THSD7B: variants seen among roughly 807,000 people sequenced by gnomAD.
THSD7B encodes the protein thrombospondin type 1 domain containing 7B.
In THSD7B, 138 loss-of-function variants were observed where a neutral mutation model predicts 213.6. The ratio of observed to expected loss-of-function variants is 0.65; its 90% CI spans 0.56 to 0.74. The LOEUF is 0.74. Ranked by LOEUF, THSD7B falls within the 30% of genes least tolerant of loss-of-function variation. THSD7B has a pLI of 0.00. For synonymous variants in THSD7B, 742 were observed against 687.0 expected (o/e 1.08, Z -1.25); for missense variants, 1,931 against 1,991.5 (o/e 0.97, Z 0.58).
chr2:137,220,752 G>T (rs79849432), intron 7 of THSD7B, among the ~76,000 whole-genome samples: 1 of 151,434 alleles, frequency 6.6e-6, no homozygotes, highest in South Asian at 2.1e-4. Flanking sequence ...ATGCACAATC[G>T]CCAAAACCTG....
chr2:137,399,896 C>G (rs902808760), intron 12 of THSD7B, among the ~76,000 whole-genome samples: 4 of 151,926 alleles, frequency 2.6e-5, no homozygotes, highest in Non-Finnish European at 5.9e-5. Flanking sequence ...TATTTATATT[C>G]TTTTCTCTTT....
chr2:137,051,002 A>G (rs1031159805), intron 2 of THSD7B, among the ~76,000 whole-genome samples: 3 of 152,182 alleles, frequency 2.0e-5, no homozygotes, highest in Admixed American at 6.5e-5. Flanking sequence ...ATTAATGATC[A>G]TGATTGATTT....
intron 1 of THSD7B, among the ~76,000 whole-genome samples, chr2:136,854,037 TATC>T (rs1054546104): frequency 4.5e-4 from 68 of 152,302 alleles, no homozygotes; most frequent in African/African-American, 1.6e-3. Context: ...AGGCTCATCT[TATC>T]ATTTTGTATA....
At chr2:137,509,957 T>C (rs1401657093) in intron 15 of THSD7B, among the ~76,000 whole-genome samples, 1 of 152,202 alleles carries the variant, frequency 6.6e-6, no homozygotes, top group African/African-American at 2.4e-5. Context: ...CTTTTATTTA[T>C]TGTTCGTTTG....
chr2:137,341,301 G>A (rs944273258), intron 12 of THSD7B, among the ~76,000 whole-genome samples: 2 of 150,378 alleles, frequency 1.3e-5, no homozygotes, highest in African/African-American at 4.9e-5. Context: ...TGTTTTTCTT[G>A]CTGTTGAGTT....
At chr2:137,517,176 A>AAT (rs1238154688) in intron 15 of THSD7B, among the ~76,000 whole-genome samples, 1 of 152,250 alleles carries the variant, frequency 6.6e-6, no homozygotes, top group African/African-American at 2.4e-5. Flanking sequence ...CAAGGCCAGC[A>AAT]ATATACCTTT....
chr2:137,129,103 A>G (rs935614989), intron 5 of THSD7B, among the ~76,000 whole-genome samples: 2 of 152,146 alleles, frequency 1.3e-5, no homozygotes, highest in Non-Finnish European at 2.9e-5. Flanking sequence ...TCTTTGTCAA[A>G]GAACCTTGAA....
chr2:137,580,925 C>A (rs942838032), intron 17 of THSD7B, among the ~76,000 whole-genome samples: 44 of 152,154 alleles, frequency 2.9e-4, no homozygotes, highest in Non-Finnish European at 6.0e-4. Flanking sequence ...AAGGAATCCA[C>A]CCTCATGATC....
chr2:137,029,898 T>C (rs1686630861), intron 2 of THSD7B, among the ~76,000 whole-genome samples: 1 of 152,166 alleles, frequency 6.6e-6, no homozygotes, highest in South Asian at 2.1e-4. Flanking sequence ...GAGGAGCTGG[T>C]TGCCTGTTGA....
At chr2:137,358,549 T>C (rs1362944355) in intron 12 of THSD7B, among the ~76,000 whole-genome samples, 1 of 152,206 alleles carries the variant, frequency 6.6e-6, no homozygotes, top group East Asian at 1.9e-4. Flanking sequence ...CCCCTCTTAT[T>C]GTTTTATGAA....
intron 1 of THSD7B, among the ~76,000 whole-genome samples, chr2:136,777,089 G>C (rs941360763): frequency 6.6e-6 from 1 of 152,048 alleles, no homozygotes; most frequent in African/African-American, 2.4e-5. Context: ...AGAAATATAG[G>C]GCTCCAGAGG....
At chr2:137,503,750 G>A (rs1202798648) in intron 15 of THSD7B, among the ~76,000 whole-genome samples, 3 of 152,062 alleles carry the variant, frequency 2.0e-5, no homozygotes, top group South Asian at 4.1e-4. Flanking sequence ...AAGTGAGCCG[G>A]GCGCGGTAGC....
intron 12 of THSD7B, among the ~76,000 whole-genome samples, chr2:137,401,634 C>CTT (rs35834967): frequency 0.01 from 1,390 of 132,658 alleles, 24 homozygotes; most frequent in African/African-American, 0.036. Context: ...TTCTTTCTTT[C>CTT]TTTTTTTTTT....
intron 2 of THSD7B, among the ~76,000 whole-genome samples, chr2:136,952,016 C>A (rs533230043): frequency 3.9e-5 from 6 of 152,098 alleles, no homozygotes; most frequent in Admixed American, 1.3e-4. Flanking sequence ...ACTACAGGCA[C>A]GCACCATCAC....
At chr2:137,229,783 T>C (rs750801888) in intron 7 of THSD7B, among the ~76,000 whole-genome samples, 9 of 152,156 alleles carry the variant, frequency 5.9e-5, no homozygotes, top group Non-Finnish European at 1.2e-4. Flanking sequence ...ATCTGTGAGA[T>C]GAGATGGATC....
At chr2:136,796,980 TCACACACA>T (rs58116447) in intron 1 of THSD7B, among the ~76,000 whole-genome samples, 4 of 146,836 alleles carry the variant, frequency 2.7e-5, no homozygotes, top group Non-Finnish European at 6.0e-5. Context: ...TCATATTTGA[TCACACACA>T]CACACACACA....
intron 17 of THSD7B, among the ~76,000 whole-genome samples, chr2:137,610,426 GT>G (rs1214833596): frequency 1.3e-5 from 2 of 152,138 alleles, no homozygotes; most frequent in African/African-American, 4.8e-5. Flanking sequence ...TTGAAATATA[GT>G]TAGTGGAATG....
chr2:137,618,270 G>A, intron 18 of THSD7B, 122 bp from the exon 19 acceptor site: 1 of 734,582 alleles, frequency 1.4e-6, no homozygotes, highest in South Asian at 2.0e-5. Context: ...AAAGCTACCT[G>A]GAAATGATTT....
At chr2:137,072,940 C>T (rs1425271619) in intron 3 of THSD7B, among the ~76,000 whole-genome samples, 1 of 152,156 alleles carries the variant, frequency 6.6e-6, no homozygotes, top group African/African-American at 2.4e-5. Flanking sequence ...AGCCTTGCAT[C>T]CCAGGGATGA....
Sources: allele counts gnomAD v4.1 joint callset (sites outside exome capture counted in the v4.1 genomes callset), GRCh38; gene constraint gnomAD v4.1.1; transcripts MANE v1.5; gene names NCBI Gene and HGNC (gene_info 2026-07-23, HGNC 2026-07-21).